Variants in AFF1 observed in about 807,000 individuals in gnomAD.
AFF1 encodes the protein ALF transcription elongation factor 1.
AFF1 carries 48 observed loss-of-function variants against 121.7 expected under a neutral mutation model. The ratio of observed to expected loss-of-function variants is 0.39; its 90% CI spans 0.31 to 0.50. The LOEUF (loss-of-function observed/expected upper bound fraction) is 0.50. AFF1 is among the 20% of genes least tolerant of loss of function. The probability of loss-of-function intolerance (pLI) is 0.76; values close to 1 mark genes in which losing one functional copy is unlikely to be tolerated. For missense variants in AFF1, 1,523 were observed against 1,511.7 expected (o/e 1.01, Z -0.12); for synonymous variants, 613 against 563.0 (o/e 1.09, Z -1.26).
At chr4:87,061,968 T>C (rs903477534) in intron 4 of AFF1, among the ~76,000 whole-genome samples, 7 of 152,226 alleles carry the variant, frequency 4.6e-5, no homozygotes, top group African/African-American at 1.7e-4. Flanking sequence ...TTTAAATGTA[T>C]GATTCAGGCA....
At chr4:86,949,279 A>G (rs941517627) in intron 2 of AFF1, among the ~76,000 whole-genome samples, 9 of 149,714 alleles carry the variant, frequency 6.0e-5, no homozygotes, top group African/African-American at 2.0e-4. Context: ...GGTTCAAGCA[A>G]TTCTGCCTCA....
At chr4:86,985,178 T>TATATATATATATATATATA (rs1255880379) in intron 2 of AFF1, among the ~76,000 whole-genome samples, 1 of 93,184 alleles carries the variant, frequency 1.1e-5, no homozygotes, top group East Asian at 4.0e-4. Flanking sequence ...ATAATATGTA[T>TATATATATATATATATATA]TACTATATAT....
At chr4:86,957,246 A>T (rs1165103878) in intron 2 of AFF1, among the ~76,000 whole-genome samples, 1 of 152,168 alleles carries the variant, frequency 6.6e-6, no homozygotes, top group African/African-American at 2.4e-5. Context: ...TTGATGTGGG[A>T]AAGAACCATT....
At chr4:87,049,694 G>T (rs1222664771) in intron 4 of AFF1, 3 of 455,940 alleles carry the variant, frequency 6.6e-6, no homozygotes, top group Non-Finnish European at 1.3e-5. Context: ...CTCTGGTCTC[G>T]GCCCGAGTTC....
chr4:87,112,435 CAG>C (rs1334425844), intron 11 of AFF1, among the ~76,000 whole-genome samples: 1 of 152,006 alleles, frequency 6.6e-6, no homozygotes, highest in Non-Finnish European at 1.5e-5. Flanking sequence ...ATGGGGTAAA[CAG>C]AAAGAAAAAA....
At chr4:87,131,564 A>G (rs1728830050) in intron 17 of AFF1, among the ~76,000 whole-genome samples, 1 of 152,192 alleles carries the variant, frequency 6.6e-6, no homozygotes, top group African/African-American at 2.4e-5. Context: ...TAAGGACACA[A>G]CTTCACTTGG....
At chr4:86,997,078 A>G (rs1260951710) in intron 2 of AFF1, among the ~76,000 whole-genome samples, 1 of 152,052 alleles carries the variant, frequency 6.6e-6, no homozygotes, top group Non-Finnish European at 1.5e-5. Context: ...TGTCTGGCTA[A>G]TTTTTGTATT....
intron 1 of AFF1, among the ~76,000 whole-genome samples, chr4:86,942,683 A>G (rs1047696327): frequency 1.3e-5 from 2 of 152,216 alleles, no homozygotes; most frequent in African/African-American, 4.8e-5. Flanking sequence ...TTTGATGGTA[A>G]AGATTTTTGG....
chr4:86,996,944 C>T (rs978271326), intron 2 of AFF1, among the ~76,000 whole-genome samples: 3 of 152,052 alleles, frequency 2.0e-5, no homozygotes, highest in Non-Finnish European at 2.9e-5. Context: ...GGGAGTCTTG[C>T]TCTGTTGCCC....
intron 2 of AFF1, among the ~76,000 whole-genome samples, chr4:86,985,177 AT>A (rs1560518252): frequency 9.0e-4 from 88 of 97,312 alleles, no homozygotes; most frequent in Non-Finnish European, 1.2e-3. Flanking sequence ...TATAATATGT[AT>A]TACTATATAT....
rs56703224 is a variant in AFF1 at position 87,135,567 on chromosome 4, G to GT, written c.3536-5dup. 206 of 1,526,890 alleles carry GT rather than the reference G, an allele frequency of 1.3e-4. No homozygotes were observed. Among genetic ancestry groups the GT allele is most frequent in the East Asian group, 7.9e-4 (34 of 43,084 alleles). The allele number at this position is 1,526,890 out of a possible 1,614,324, so 94.6% of individuals were successfully genotyped here. Reference sequence around the variant, plus strand: ...TATTTACTTGTTTTTGTTTTGTTTTGTTTTTTTTGCAGAATTCTTTGCTCG... The same window carrying GT: ...TATTTACTTGTTTTTGTTTTGTTTTGTTTTTTTTTGCAGAATTCTTTGCTCG... On this transcript the variant is annotated splice_polypyrimidine_tract_variant and intron_variant, in intron 20 of 20. Coordinates refer to ENST00000395146, the MANE Select transcript of AFF1 (RefSeq NM_001166693.3).
At chr4:86,945,497 ATTTTTT>A (rs34305215) in intron 1 of AFF1, among the ~76,000 whole-genome samples, 10 of 86,630 alleles carry the variant, frequency 1.2e-4, no homozygotes, top group African/African-American at 3.7e-4. Flanking sequence ...GCCTTTCCCA[ATTTTTT>A]TTTTTTTTTT....
At position 87,114,932 on chromosome 4, in the gene AFF1, T is replaced by C. The variant is rs776902462; in HGVS notation, c.2099T>C (p.Val700Ala). Residue 700 changes from valine (V) to alanine (A), a missense_variant, in exon 12 of 21, where the codon GTG (valine) becomes GCG (alanine). This residue lies in a region of AFF1 where 905 missense variants were observed against 842.5 expected (regional missense o/e 1.07). Transcript: ENST00000395146. The part of the protein sequence containing the change: ...LSGPEPAKDN[V>A]EDRTPEHFAL... ...GGCCCAGAACCCGCGAAGGACAATG[T>C]GGAGGACAGGACCCCTGAGCACTTT... The C allele has an allele frequency of 3.1e-6, 5 of 1,612,476 alleles. No individual in the cohort carries two copies. Among genetic ancestry groups the C allele is most frequent in the East Asian group, 4.5e-5 (2 of 44,860 alleles).
chr4:86,993,250 A>G (rs1429275923), intron 2 of AFF1, among the ~76,000 whole-genome samples: 1 of 152,234 alleles, frequency 6.6e-6, no homozygotes, highest in African/African-American at 2.4e-5. Context: ...TATCACAGAA[A>G]GTGCCAGTAG....
intron 2 of AFF1, among the ~76,000 whole-genome samples, chr4:86,952,781 A>G (rs550523849): frequency 6.6e-6 from 1 of 150,858 alleles, no homozygotes; most frequent in South Asian, 2.1e-4. Flanking sequence ...CCCGGGTTCA[A>G]GCGTTTCTCC....
At chr4:87,122,484 A>G (rs1451345681) in intron 12 of AFF1, among the ~76,000 whole-genome samples, 1 of 152,184 alleles carries the variant, frequency 6.6e-6, no homozygotes, top group Non-Finnish European at 1.5e-5. Context: ...TGGCCACTCT[A>G]AATTGTGCTC....
At chr4:87,033,537 G>A (rs1560558367) in intron 2 of AFF1, among the ~76,000 whole-genome samples, 1 of 152,158 alleles carries the variant, frequency 6.6e-6, no homozygotes, top group South Asian at 2.1e-4. Context: ...GGATTTTCTG[G>A]TGCTTAAATT....
chr4:87,069,169 G>A (rs986013454), intron 4 of AFF1, among the ~76,000 whole-genome samples: 2 of 151,886 alleles, frequency 1.3e-5, no homozygotes, highest in African/African-American at 2.4e-5. Flanking sequence ...TTATAAACAA[G>A]GTAAATAAGC....
At chr4:87,123,377 T>TGGCTGC (rs2149786860) in intron 12 of AFF1, among the ~76,000 whole-genome samples, 1 of 152,340 alleles carries the variant, frequency 6.6e-6, no homozygotes, top group East Asian at 1.9e-4. Context: ...GATGTGGCTG[T>TGGCTGC]GGCTGCAGCT....
Sources: allele counts gnomAD v4.1 joint callset (sites outside exome capture counted in the v4.1 genomes callset), GRCh38; gene constraint gnomAD v4.1.1; regional missense constraint gnomAD v4.1.1; transcripts MANE v1.5; gene names NCBI Gene and HGNC (gene_info 2026-07-23, HGNC 2026-07-21).